Variants in TGFBR2 observed in about 807,000 individuals in gnomAD.
TGFBR2 encodes TGF-beta receptor type-2.
Under a neutral mutation model 49.0 loss-of-function variants are expected in TGFBR2, and 18 were observed. The observed-to-expected ratio is 0.37, with a 90% CI of 0.25 to 0.54. TGFBR2 has a LOEUF of 0.54. Ranked by LOEUF, TGFBR2 falls within the 20% of genes least tolerant of loss-of-function variation. TGFBR2 has a pLI of 0.85. For missense variants in TGFBR2, 525 were observed against 722.6 expected (o/e 0.73, Z 3.13); for synonymous variants, 282 against 275.9 (o/e 1.02, Z -0.22).
At chr3:30,624,740 TAAAAG>T (rs1698301379) in intron 1 of TGFBR2, among the ~76,000 whole-genome samples, 1 of 152,246 alleles carries the variant, frequency 6.6e-6, no homozygotes, top group Admixed American at 6.5e-5. Context: ...TCTTGCAACA[TAAAAG>T]AAAAATTGAG....
At chr3:30,668,106 T>C (rs1032554121) in intron 3 of TGFBR2, among the ~76,000 whole-genome samples, 2 of 152,220 alleles carry the variant, frequency 1.3e-5, no homozygotes, top group African/African-American at 4.8e-5. Flanking sequence ...GGCCATGGAC[T>C]TCTGAGCCAT....
At chr3:30,640,760 T>C (rs532180675) in intron 1 of TGFBR2, among the ~76,000 whole-genome samples, 2 of 152,292 alleles carry the variant, frequency 1.3e-5, no homozygotes, top group African/African-American at 4.8e-5. Context: ...ATATCTTAAC[T>C]AGAGAGACTT....
chr3:30,632,348 G>GAAAAT (rs1343325130), intron 1 of TGFBR2, among the ~76,000 whole-genome samples: 1 of 152,068 alleles, frequency 6.6e-6, no homozygotes, highest in African/African-American at 2.4e-5. Flanking sequence ...AAATTGAACT[G>GAAAAT]GATTCTCAAG....
At chr3:30,687,090 T>C (rs1298867628) in intron 5 of TGFBR2, among the ~76,000 whole-genome samples, 1 of 152,158 alleles carries the variant, frequency 6.6e-6, no homozygotes, top group Admixed American at 6.5e-5. Context: ...TAAAATATGG[T>C]ATATGCACGA....
intron 2 of TGFBR2, among the ~76,000 whole-genome samples, chr3:30,645,611 G>A (rs1290028597): frequency 1.3e-5 from 2 of 150,910 alleles, no homozygotes; most frequent in South Asian, 4.2e-4. Flanking sequence ...TCAGCCTTTC[G>A]AGTAGCTGGG....
At chr3:30,607,231 G>A (rs1697939561) in intron 1 of TGFBR2, among the ~76,000 whole-genome samples, 2 of 152,224 alleles carry the variant, frequency 1.3e-5, no homozygotes. Flanking sequence ...CAGGAAAGGC[G>A]TTGTGTTGGC....
intron 5 of TGFBR2, 132 bp from the exon 6 acceptor site, chr3:30,688,252 C>A: frequency 8.7e-7 from 1 of 1,153,904 alleles, no homozygotes; most frequent in Non-Finnish European, 1.3e-6. Context: ...TTAAAATTTG[C>A]TCTTAGAGTA....
chr3:30,610,105 A>G (rs1442803501), intron 1 of TGFBR2, among the ~76,000 whole-genome samples: 1 of 152,066 alleles, frequency 6.6e-6, no homozygotes, highest in African/African-American at 2.4e-5. Flanking sequence ...TTTTTCTTCT[A>G]CCTTTTCAAC....
chr3:30,689,646 A>G (rs781687065), intron 6 of TGFBR2, among the ~76,000 whole-genome samples: 46 of 152,218 alleles, frequency 3.0e-4, no homozygotes, highest in Non-Finnish European at 4.7e-4. Flanking sequence ...GGTGGGTCAC[A>G]GGCTTCTCTG....
At chr3:30,631,005 G>A (rs903548885) in intron 1 of TGFBR2, among the ~76,000 whole-genome samples, 1 of 148,666 alleles carries the variant, frequency 6.7e-6, no homozygotes, top group African/African-American at 2.5e-5. Flanking sequence ...ACCAACCTTA[G>A]TGGGATTGCT....
intron 5 of TGFBR2, among the ~76,000 whole-genome samples, chr3:30,675,520 G>T (rs1488844047): frequency 6.6e-6 from 1 of 151,888 alleles, no homozygotes; most frequent in Non-Finnish European, 1.5e-5. Context: ...TTGAGTAGCT[G>T]AGATTACAGA....
chr3:30,688,371 G>C lies in TGFBR2; in HGVS notation c.1397-13G>C, dbSNP rs2125451536. On this transcript the variant is annotated splice_polypyrimidine_tract_variant and intron_variant, in intron 5 of 6. Coordinates refer to ENST00000295754, the MANE Select transcript of TGFBR2 (RefSeq NM_003242.6). Reference sequence around the variant, plus strand: ...ATTCTCAGTGACCCTGTGTTTGCTGGCTTTCTTCACAGAAGTAAAAGATTA... The same window carrying C: ...ATTCTCAGTGACCCTGTGTTTGCTGCCTTTCTTCACAGAAGTAAAAGATTA... 1 of 1,614,108 alleles carries C rather than the reference G, an allele frequency of 6.2e-7. No homozygotes were observed. The highest frequency in any genetic ancestry group is 8.5e-7 in the Non-Finnish European group (1 of 1,179,974).
In TGFBR2 at chr3:30,685,261, T is replaced by G. The variant is rs571869150; in HGVS notation, c.1397-3123T>G. Among the ~76,000 whole-genome samples the G allele has an allele frequency of 2.6e-5, 4 of 152,280 alleles. No homozygotes were observed. The South Asian group carries it at 8.3e-4, about 32-fold the overall frequency. Reference sequence around the variant, plus strand: ...AGAGTAACGGTAATACAATGTGAGATTCAGAATGTTCTTCCTGGTTTAGTA... The same window carrying G: ...AGAGTAACGGTAATACAATGTGAGAGTCAGAATGTTCTTCCTGGTTTAGTA... On this transcript the variant is annotated intron_variant, in intron 5 of 6. Coordinates refer to ENST00000295754, the MANE Select transcript of TGFBR2 (RefSeq NM_003242.6).
chr3:30,632,475 G>T (rs1698456360), intron 1 of TGFBR2, among the ~76,000 whole-genome samples: 1 of 152,166 alleles, frequency 6.6e-6, no homozygotes, highest in Admixed American at 6.5e-5. Context: ...TGATTCCATT[G>T]TATATTTGAA....
At chr3:30,678,522 T>C (rs994086216) in intron 5 of TGFBR2, among the ~76,000 whole-genome samples, 29 of 120,736 alleles carry the variant, frequency 2.4e-4, no homozygotes, top group Admixed American at 3.6e-4. Context: ...TTCTCCAGCC[T>C]GGGCGACAGA....
At chr3:30,632,487 G>C (rs1256885527) in intron 1 of TGFBR2, among the ~76,000 whole-genome samples, 1 of 152,200 alleles carries the variant, frequency 6.6e-6, no homozygotes, top group Non-Finnish European at 1.5e-5. Flanking sequence ...ATATTTGAAA[G>C]CATCAGGGCA....
chr3:30,660,894 G>A (rs1699110662), intron 3 of TGFBR2, among the ~76,000 whole-genome samples: 1 of 152,212 alleles, frequency 6.6e-6, no homozygotes, highest in Admixed American at 6.5e-5. Context: ...GGGAGGCTGT[G>A]TGCATGATTT....
rs1026845916 is a variant in TGFBR2, at chr3:30,631,781, A to G, written c.95-12966A>G. On this transcript the variant is annotated intron_variant, in intron 1 of 6. Coordinates refer to ENST00000295754, the MANE Select transcript of TGFBR2 (RefSeq NM_003242.6). ...AATGAAAGGGACCTTTAAGTTCATCATGTCCAACCCATTTGTTTGACTGGT... is the reference window on the plus strand; with the variant it reads ...AATGAAAGGGACCTTTAAGTTCATCGTGTCCAACCCATTTGTTTGACTGGT... Among the ~76,000 whole-genome samples, 11 of 152,128 alleles carry G rather than the reference A, an allele frequency of 7.2e-5. 2 individuals are homozygous for G. The highest frequency in any genetic ancestry group is 2.4e-5 in the African/African-American group (1 of 41,478).
intron 1 of TGFBR2, among the ~76,000 whole-genome samples, chr3:30,611,886 C>T (rs937187030): frequency 2.0e-5 from 3 of 152,172 alleles, no homozygotes; most frequent in African/African-American, 2.4e-5. Flanking sequence ...AAAAGCATAA[C>T]TCTGTTACCT....
Sources: gnomAD v4.1 joint callset for allele counts (sites outside exome capture counted in the v4.1 genomes callset) on GRCh38, gnomAD v4.1.1 for gene constraint, MANE v1.5 for transcripts, NCBI Gene and HGNC (gene_info 2026-07-23, HGNC 2026-07-21) for gene names.